Variants in MYH7B observed in about 807,000 individuals in gnomAD.
The protein encoded by MYH7B is myosin heavy chain 7B, also known as myosin-7B.
MYH7B carries 205 observed loss-of-function variants against 234.5 expected under a neutral mutation model. The ratio of observed to expected loss-of-function variants is 0.87; its 90% CI spans 0.78 to 0.98. The LOEUF is 0.98. Among genes scored for constraint, MYH7B ranks in the 50% least tolerant of loss-of-function variants. MYH7B has a pLI of 0.00. For missense variants in MYH7B, 2,652 were observed against 2,633.4 expected (o/e 1.01, Z -0.15); for synonymous variants, 1,193 against 1,105.0 (o/e 1.08, Z -1.58).
At chr20:34,982,869 G>A (rs1482324552) in intron 10 of MYH7B, among the ~76,000 whole-genome samples, 1 of 152,186 alleles carries the variant, frequency 6.6e-6, no homozygotes, top group Non-Finnish European at 1.5e-5. Flanking sequence ...TTTACTAGAT[G>A]GGCTGCTTTT....
At chr20:34,991,522 G>T (rs1441223116) in intron 24 of MYH7B, among the ~76,000 whole-genome samples, 2 of 152,206 alleles carry the variant, frequency 1.3e-5, no homozygotes, top group Non-Finnish European at 2.9e-5. Context: ...TGTTTTGCGT[G>T]TATCAGGTTT....
intron 28 of MYH7B, among the ~76,000 whole-genome samples, 197 bp from the exon 29 acceptor site, chr20:34,996,149 G>T (rs1357067620): frequency 6.6e-6 from 1 of 152,358 alleles, no homozygotes; most frequent in East Asian, 1.9e-4. Flanking sequence ...AGCACTGCGG[G>T]TGCATCCACT....
At chr20:34,998,945 A>G in intron 35 of MYH7B, 30 bp downstream of exon 35, 2 of 1,603,334 alleles carry the variant, frequency 1.2e-6, no homozygotes, top group Non-Finnish European at 1.7e-6. Flanking sequence ...GGCCACTGCC[A>G]TGCAGAGCTT....
rs191385006 is a variant in MYH7B, at chr20:34,966,894, G to A, written c.-221-8506G>A. 3.3e-5 allele frequency among the ~76,000 whole-genome samples: 5 copies of A among 150,902 alleles called. No homozygotes were observed. The East Asian group carries it at 5.9e-4, about 18-fold the overall frequency. ...GAGCTATGATTATGCCACTGTACTC[G>A]AACATGGGTAACAGTGATACCTTGT... On this transcript the variant is annotated intron_variant, in intron 2 of 44. Transcript: ENST00000262873.
Position 34,981,573 on chromosome 20 carries a change from G to A in MYH7B, c.527+513G>A, listed in dbSNP as rs543531309. 412 of 154,626 alleles carry A rather than the reference G, an allele frequency of 2.7e-3. 6 individuals carry two copies. Among genetic ancestry groups the A allele is most frequent in the Non-Finnish European group, 1.1e-3 (77 of 69,828 alleles). 9.6% of individuals were successfully genotyped at this position (154,626 alleles called of 1,614,324 possible). ...GCAGTTAAGAGCAAGTGCCTTGGCC[G>A]GGCACAGTGGCTCATGCCCGTAATT... On this transcript the variant is annotated intron_variant, in intron 9 of 44. Coordinates refer to ENST00000262873, the Ensembl canonical transcript of MYH7B.
chr20:34,986,023 T>C (rs1238839198), intron 13 of MYH7B, 77 bp from the exon 14 acceptor site: 4 of 1,272,550 alleles, frequency 3.1e-6, no homozygotes, highest in Admixed American at 4.0e-5. Context: ...CCCACCTCTC[T>C]CCCTCCGCAT....
chr20:34,967,346 C>T (rs1387678753), intron 2 of MYH7B, among the ~76,000 whole-genome samples: 1 of 152,142 alleles, frequency 6.6e-6, no homozygotes, highest in Non-Finnish European at 1.5e-5. Flanking sequence ...AAGGAGGTCT[C>T]TTGTCCTTGA....
intron 24 of MYH7B, among the ~76,000 whole-genome samples, chr20:34,992,069 C>T (rs1256276008): frequency 6.6e-6 from 1 of 152,218 alleles, no homozygotes; most frequent in Non-Finnish European, 1.5e-5. Flanking sequence ...GGCTGGGAGC[C>T]CTGGCTCTTT....
At position 34,978,113 on chromosome 20, in the gene MYH7B, G is replaced by A. The variant is rs758233534; in HGVS notation, c.91+17G>A. On this transcript the variant is annotated intron_variant, in intron 5 of 44. Coordinates refer to ENST00000262873, the Ensembl canonical transcript of MYH7B. ...CATGGGACGGTAAGTGGAGACAGAGGGGGAGGGGTCATAGCCACAGAGATG... is the reference window on the plus strand; with the variant it reads ...CATGGGACGGTAAGTGGAGACAGAGAGGGAGGGGTCATAGCCACAGAGATG... The A allele has an allele frequency of 3.1e-6, 5 of 1,613,634 alleles. No homozygotes were observed. In the African/African-American group the frequency reaches 6.7e-5, roughly 22 times the overall value.
At chr20:34,993,168 G>A (rs201248832) in exon 25 of MYH7B, 6 of 1,614,046 alleles carry the variant, frequency 3.7e-6, no homozygotes, top group Non-Finnish European at 5.1e-6. Context: ...AGGCCACAGA[G>A]AAACTGCTGG....
chr20:34,989,964 C>T, intron 20 of MYH7B, 45 bp downstream of exon 20: 1 of 1,613,180 alleles, frequency 6.2e-7, no homozygotes, highest in Non-Finnish European at 8.5e-7. Flanking sequence ...GCTCCTCCCG[C>T]CCTGCTCCAG....
intron 9 of MYH7B, 138 bp downstream of exon 9, chr20:34,981,198 T>A: frequency 1.8e-6 from 2 of 1,093,072 alleles, no homozygotes; most frequent in Non-Finnish European, 2.7e-6. Flanking sequence ...GTGTCCCAGC[T>A]GAAGCTAAAT....
chr20:34,984,895 G>A (rs1025946816), exon 12 of MYH7B: 1 of 1,614,100 alleles, frequency 6.2e-7, no homozygotes. Flanking sequence ...ACCCTGCCAT[G>A]GAGGCCTTTG....
chr20:35,000,317 G>A (rs2082344938), exon 39 of MYH7B: 1 of 1,590,232 alleles, frequency 6.3e-7, no homozygotes, highest in Admixed American at 1.7e-5. Flanking sequence ...GAGCTGTGGA[G>A]TCCCTGCAGG....
At position 34,982,522 on chromosome 20, in the gene MYH7B, C is replaced by T. The variant is rs771212077; in HGVS notation, c.591C>T (p.Val197=). 6.3e-5 allele frequency: 101 copies of T among 1,611,560 alleles called. No homozygotes were observed. In the Admixed American group the frequency reaches 1.1e-3, roughly 17 times the overall value. The change falls in exon 10 of 45, where the codon GTC becomes GTT. Residue 197 remains valine (V), a synonymous_variant. Coordinates refer to ENST00000262873, the Ensembl canonical transcript of MYH7B. ...GGGTCATTCAGTACTTTGCCATCGTCGCTGCCCTGGGAGACGGGCCGGGCA... is the reference window on the plus strand; with the variant it reads ...GGGTCATTCAGTACTTTGCCATCGTTGCTGCCCTGGGAGACGGGCCGGGCA...
chr20:35,001,227 C>T lies in MYH7B; in HGVS notation c.5476-18C>T, dbSNP rs1460016540. 6.2e-7 allele frequency: 1 copy of T among 1,607,112 alleles called. No homozygotes were observed. The highest frequency in any genetic ancestry group is 8.5e-7 in the Non-Finnish European group (1 of 1,176,000). ...ACCCAGGGGTGGGCTTGGCATCAGG[C>T]TGTCCCCCTGCCTGCAGGTACGGGA... is the stretch of plus-strand genomic sequence containing the variant. On this transcript the variant is annotated intron_variant, in intron 41 of 44. Transcript: ENST00000262873.
rs374954092 is a variant in MYH7B, at chr20:34,986,085, G to A, written c.806-15G>A. 2,051 of 1,563,478 alleles carry A rather than the reference G, an allele frequency of 1.3e-3. 3 individuals carry two copies. Among genetic ancestry groups the A allele is most frequent in the Non-Finnish European group, 1.6e-3 (1,895 of 1,150,998 alleles). ...GAGGTGTGGGAGATGGCAGGCCAGCGTCCCTTCTCCCCAGATCTCCTGGAG... is the reference window on the plus strand; with the variant it reads ...GAGGTGTGGGAGATGGCAGGCCAGCATCCCTTCTCCCCAGATCTCCTGGAG... On this transcript the variant is annotated splice_polypyrimidine_tract_variant and intron_variant, in intron 13 of 44. Coordinates refer to ENST00000262873, the Ensembl canonical transcript of MYH7B.
chr20:34,983,992 A>G (rs2081978713), intron 10 of MYH7B, among the ~76,000 whole-genome samples: 1 of 152,158 alleles, frequency 6.6e-6, no homozygotes. Flanking sequence ...TGCTCAATTC[A>G]CTTAGTCCCC....
chr20:34,980,567 T>G lies in MYH7B; in HGVS notation c.343-11T>G, dbSNP rs1569035789. 6.2e-7 allele frequency: 1 copy of G among 1,609,228 alleles called. No homozygotes were observed. The highest frequency in any genetic ancestry group is 8.5e-7 in the Non-Finnish European group (1 of 1,175,788). The stretch of plus-strand genomic sequence containing the variant: ...ACAACAACATAAACCCTACCTATAC[T>G]CTCTCTTCAGACCTACTCAGGCCTC... On this transcript the variant is annotated splice_polypyrimidine_tract_variant and intron_variant, in intron 7 of 44. Transcript: ENST00000262873.
Sources: allele counts gnomAD v4.1 joint callset (sites outside exome capture counted in the v4.1 genomes callset), GRCh38; gene constraint gnomAD v4.1.1; transcripts MANE v1.5; gene names NCBI Gene and HGNC (gene_info 2026-07-23, HGNC 2026-07-21).